MCM2: variants seen among roughly 807,000 people sequenced by gnomAD.
MCM2 encodes DNA replication licensing factor MCM2.
In MCM2, 49 loss-of-function variants were observed where a neutral mutation model predicts 86.4. That is an observed-to-expected ratio of 0.57 (90% confidence interval 0.45 to 0.72). The LOEUF is 0.72. Ranked by LOEUF, MCM2 falls within the 30% of genes least tolerant of loss-of-function variation. The pLI is 0.00. For synonymous variants in MCM2, 475 were observed against 484.6 expected (o/e 0.98, Z 0.26); for missense variants, 1,038 against 1,259.9 (o/e 0.82, Z 2.67).
chr3:127,617,939 C>T lies in MCM2; in HGVS notation c.1901-30C>T. 1 of 1,562,942 alleles carries T rather than the reference C, an allele frequency of 6.4e-7. No individual in the cohort carries two copies. Among genetic ancestry groups the T allele is most frequent in the Non-Finnish European group, 8.8e-7 (1 of 1,137,800 alleles). ...TGAGATGGGAGGATAGGGGAATCCA[C>T]CCTGATGGAGGTGCTCCCCTGTGTT... On this transcript the variant is annotated intron_variant, in intron 11 of 15. Coordinates refer to ENST00000265056, the MANE Select transcript of MCM2 (RefSeq NM_004526.4). The surrounding 1 kb of genome is among the most constrained non-coding windows in gnomAD (Gnocchi z 4.1).
chr3:127,620,741 T>A lies in MCM2; in HGVS notation c.2309T>A (p.Met770Lys). 6.2e-7 allele frequency: 1 copy of A among 1,612,266 alleles called. No individual in the cohort carries two copies. The highest frequency in any genetic ancestry group is 8.5e-7 in the Non-Finnish European group (1 of 1,178,628). The change falls in exon 14 of 16, where the codon ATG becomes AAG. Residue 770 changes from methionine (M) to lysine (K), a missense_variant. Physicochemically the swap from Met to Lys is moderately conservative, Grantham distance 95. Around this residue, in one of 4 missense-constraint regions of MCM2, gnomAD observed 336 missense variants for 425.7 expected, o/e 0.79. Transcript: ENST00000265056. Reference sequence around the variant, plus strand: ...ATTACGGTGCGGCACATCGAGTCCATGATCCGCATGGCGGAGGCCCACGCG... The same window carrying A: ...ATTACGGTGCGGCACATCGAGTCCAAGATCCGCATGGCGGAGGCCCACGCG... Reference protein sequence around the residue: ...IPITVRHIESMIRMAEAHARI... With the variant: ...IPITVRHIESKIRMAEAHARI...
chr3:127,611,710 T>C (rs1359422972), intron 8 of MCM2, among the ~76,000 whole-genome samples: 1 of 127,402 alleles, frequency 7.8e-6, no homozygotes, highest in African/African-American at 3.4e-5. Flanking sequence ...TTTTTTTTTT[T>C]TTTTTTGAGA....
chr3:127,620,843 A>G lies in MCM2; in HGVS notation c.2411A>G (p.Asp804Gly). 1 of 1,613,020 alleles carries G rather than the reference A, an allele frequency of 6.2e-7. No homozygotes were observed. The highest frequency in any genetic ancestry group is 1.1e-5 in the South Asian group (1 of 90,962). The stretch of plus-strand genomic sequence containing the variant: ...CGCGTGATGCTGGAGAGCTTCATAG[A>G]CACACAGAAGTTCAGCGTCATGCGC... ...AIRVMLESFI[D>G]TQKFSVMRSM... Residue 804 changes from aspartate to glycine, a missense_variant, in exon 14 of 16, where the codon GAC (aspartate) becomes GGC (glycine). This residue lies in a region of MCM2 where 336 missense variants were observed against 425.7 expected (regional missense o/e 0.79). Coordinates refer to ENST00000265056, the MANE Select transcript of MCM2 (RefSeq NM_004526.4).
chr3:127,610,010 A>G (rs1295086189), intron 8 of MCM2, among the ~76,000 whole-genome samples: 1 of 151,052 alleles, frequency 6.6e-6, no homozygotes, highest in African/African-American at 2.4e-5. Context: ...GCACCTGACT[A>G]ATTTTTGTAT....
chr3:127,609,069 A>T lies in MCM2; in HGVS notation c.1428+46A>T, dbSNP rs551058916. 77 of 1,595,236 alleles carry T rather than the reference A, an allele frequency of 4.8e-5. No homozygotes were observed. The East Asian group carries it at 1.0e-3, about 21-fold the overall frequency. On this transcript the variant is annotated intron_variant, in intron 8 of 15. Transcript: ENST00000265056. Reference sequence around the variant, plus strand: ...GGGGCTGTCAGGATGCTGTGAGAGGATATGGAGGGTTGCTGGGGCTGTGGT... The same window carrying T: ...GGGGCTGTCAGGATGCTGTGAGAGGTTATGGAGGGTTGCTGGGGCTGTGGT...
intron 6 of MCM2, among the ~76,000 whole-genome samples, chr3:127,607,052 A>G (rs906942419): frequency 6.6e-6 from 1 of 152,262 alleles, no homozygotes; most frequent in Non-Finnish European, 1.5e-5. Context: ...GATTTGTTTA[A>G]ACCATACAAG....
chr3:127,608,350 G>T (rs868142752), intron 6 of MCM2, 32 bp from the exon 7 acceptor site: 1 of 1,609,836 alleles, frequency 6.2e-7, no homozygotes, highest in African/African-American at 1.3e-5. Flanking sequence ...TAGTAAGTCA[G>T]TGATTTGAGG....
intron 4 of MCM2, 144 bp from the exon 5 acceptor site, chr3:127,605,974 G>T: frequency 1.6e-6 from 1 of 644,944 alleles, no homozygotes; most frequent in Non-Finnish European, 2.8e-6. Context: ...GCTGAAGTGT[G>T]GTAGACCTAG....
At position 127,617,623 on chromosome 3, in the gene MCM2, T is replaced by C. The variant is rs544662405; in HGVS notation, c.1900+218T>C. The C allele has an allele frequency of 4.7e-6, 3 of 638,640 alleles. No homozygotes were observed. In the African/African-American group the frequency reaches 5.5e-5, roughly 12 times the overall value. 39.6% of individuals were successfully genotyped at this position (638,640 alleles called of 1,614,324 possible). A position where few individuals can be genotyped will look rare whatever the true frequency, so the allele number is the denominator to read the frequency against. On this transcript the variant is annotated intron_variant, in intron 11 of 15. Coordinates refer to ENST00000265056, the MANE Select transcript of MCM2 (RefSeq NM_004526.4). The surrounding 1 kb of genome is among the most constrained non-coding windows in gnomAD (Gnocchi z 4.1). ...TTGAGTCATGTTCCTGGAATCACCT[T>C]GGATGTTCTCAGAAGGCATGGGAGG...
Position 127,608,517 on chromosome 3 carries a change from G to A in MCM2, c.1236+1G>A. 1 of 1,614,178 alleles carries A rather than the reference G, an allele frequency of 6.2e-7. No homozygotes were observed. Among genetic ancestry groups the A allele is most frequent in the Non-Finnish European group, 8.5e-7 (1 of 1,180,026 alleles). ...CAGCTGCAAGCCAGGAGACGAGATAGTAAGTGGCCGGGGCAGGCTGGGAGG... is the reference window on the plus strand; with the variant it reads ...CAGCTGCAAGCCAGGAGACGAGATAATAAGTGGCCGGGGCAGGCTGGGAGG... On this transcript the variant is annotated splice_donor_variant, in intron 7 of 15. Transcript: ENST00000265056. LOFTEE classifies it high-confidence loss of function.
In MCM2 at chr3:127,622,355, G is replaced by C. The variant is rs889817807; in HGVS notation, c.*582G>C. ...CAGTTATCAGCTGCCATTGCTCCCT[G>C]TCTGTTTCCCCACTCTCTTATTTGT... On this transcript the variant is annotated 3_prime_UTR_variant, in exon 16 of 16. Coordinates refer to ENST00000265056, the MANE Select transcript of MCM2 (RefSeq NM_004526.4). 1 of 152,274 alleles carries C rather than the reference G, an allele frequency of 6.6e-6. No homozygotes were observed. Among genetic ancestry groups the C allele is most frequent in the African/African-American group, 2.4e-5 (1 of 41,442 alleles). 9.4% of individuals were successfully genotyped at this position (152,274 alleles called of 1,614,324 possible). A position where few individuals can be genotyped will look rare whatever the true frequency, so the allele number is the denominator to read the frequency against.
intron 8 of MCM2, among the ~76,000 whole-genome samples, chr3:127,611,559 C>G (rs1226012678): frequency 1.3e-5 from 2 of 152,130 alleles, no homozygotes; most frequent in East Asian, 3.8e-4. Context: ...ACCCCGCTCC[C>G]GTGTCTTGAT....
At chr3:127,612,137 C>T (rs938301515) in intron 8 of MCM2, among the ~76,000 whole-genome samples, 9 of 152,234 alleles carry the variant, frequency 5.9e-5, no homozygotes, top group African/African-American at 1.2e-4. Flanking sequence ...TCTCTGGTAA[C>T]GCTGACGGAG....
intron 1 of MCM2, chr3:127,599,069 G>T (rs1423121539): frequency 1.8e-6 from 1 of 567,826 alleles, no homozygotes; most frequent in African/African-American, 1.9e-5. Context: ...GCACGGTGAT[G>T]TGGGTGACCC....
At position 127,608,470 on chromosome 3, in the gene MCM2, T is replaced by C; in HGVS notation, c.1190T>C (p.Ile397Thr). Residue 397 changes from isoleucine to threonine, a missense_variant, in exon 7 of 16, where the codon ATT (isoleucine) becomes ACT (threonine). Transcript: ENST00000265056. ...AGRLPRSKDAILLADLVDSCK... is the reference protein window; with the variant it reads ...AGRLPRSKDATLLADLVDSCK... ...CGGCTGCCCCGCTCCAAGGACGCCA[T>C]TCTCCTCGCAGATCTGGTGGACAGC... The C allele has an allele frequency of 6.2e-7, 1 of 1,614,186 alleles. No homozygotes were observed. The highest frequency in any genetic ancestry group is 8.5e-7 in the Non-Finnish European group (1 of 1,180,028).
chr3:127,599,078 C>T, intron 1 of MCM2: 3 of 573,062 alleles, frequency 5.2e-6, no homozygotes, highest in Non-Finnish European at 6.2e-6. Flanking sequence ...TGTGGGTGAC[C>T]CCGATATTTG....
chr3:127,598,491 G>T lies in MCM2; in HGVS notation c.6+19G>T. On this transcript the variant is annotated intron_variant, in intron 1 of 15. Coordinates refer to ENST00000265056, the MANE Select transcript of MCM2 (RefSeq NM_004526.4). ...TATGGCGGTGAGCGCGCTGGCGCGT[G>T]GCGGGCGGGCGCCGGGGACATGGGT... 1 of 1,611,996 alleles carries T rather than the reference G, an allele frequency of 6.2e-7. No homozygotes were observed. Among genetic ancestry groups the T allele is most frequent in the Non-Finnish European group, 8.5e-7 (1 of 1,179,070 alleles).
chr3:127,602,964 AC>A lies in MCM2; in HGVS notation c.237-1642del, dbSNP rs113671263. On this transcript the variant is annotated intron_variant, in intron 2 of 15. Coordinates refer to ENST00000265056, the MANE Select transcript of MCM2 (RefSeq NM_004526.4). ...GCGCATAGAAGCTGTCTGGAGATCT[AC>A]CTCCCCTTTTGTAATTGTGGTAAAA... Among the ~76,000 whole-genome samples, 236 of 150,920 alleles carry A rather than the reference AC, an allele frequency of 1.6e-3. 4 individuals are homozygous for A. The South Asian group carries it at 0.022, about 14-fold the overall frequency.
chr3:127,606,269 C>T lies in MCM2; in HGVS notation c.825C>T (p.Asp275=), dbSNP rs557574890. 2.5e-6 allele frequency: 4 copies of T among 1,614,250 alleles called. No individual in the cohort carries two copies. In the Admixed American group the frequency reaches 5.0e-5, roughly 20 times the overall value. ...TACTGGCCATGTACCCCAAGTACGACCGCATCACCAACCACATCCATGTCC... is the reference window on the plus strand; with the variant it reads ...TACTGGCCATGTACCCCAAGTACGATCGCATCACCAACCACATCCATGTCC... The part of the protein sequence containing the change: ...EVVLAMYPKY[D]RITNHIHVRI... The change falls in exon 5 of 16, where the codon GAC becomes GAT. Residue 275 remains aspartate (D), a synonymous_variant. Coordinates refer to ENST00000265056, the MANE Select transcript of MCM2 (RefSeq NM_004526.4). The surrounding 1 kb of genome is among the most constrained non-coding windows in gnomAD (Gnocchi z 4.2).
Sources: allele counts gnomAD v4.1 joint callset (sites outside exome capture counted in the v4.1 genomes callset), GRCh38; gene constraint gnomAD v4.1.1; regional missense constraint gnomAD v4.1.1; non-coding constraint Gnocchi (gnomAD v3.1); transcripts MANE v1.5; gene names NCBI Gene and HGNC (gene_info 2026-07-23, HGNC 2026-07-21).